The following DIAPH2 variants were observed in gnomAD, a reference collection of about 807,000 sequenced individuals.
DIAPH2 encodes diaphanous related formin 2.
In DIAPH2, 35 loss-of-function variants were observed where a neutral mutation model predicts 92.7. That is an observed-to-expected ratio of 0.38 (90% CI 0.29 to 0.50). The LOEUF is 0.50. Ranked by LOEUF, DIAPH2 falls within the 20% of genes least tolerant of loss-of-function variation. The pLI, the probability that DIAPH2 is intolerant of heterozygous loss-of-function variation, is 0.94. For synonymous variants in DIAPH2, 301 were observed against 280.4 expected (o/e 1.07, Z -0.73); for missense variants, 701 against 819.5 (o/e 0.86, Z 1.77).
At chrX:97,372,314 TTTC>T (rs1471668862) in intron 24 of DIAPH2, among the ~76,000 whole-genome samples, 4 of 112,544 alleles carry the variant, frequency 3.6e-5, no homozygotes, top group South Asian at 3.7e-4. Flanking sequence ...GTCTTTTTTC[TTTC>T]TTCTTGTTTT....
At chrX:96,775,768 C>T (rs998564807) in intron 4 of DIAPH2, among the ~76,000 whole-genome samples, 2 of 111,251 alleles carry the variant, frequency 1.8e-5, no homozygotes, top group African/African-American at 3.3e-5. Context: ...ACACACTCAA[C>T]CTTTCTGGAG....
intron 4 of DIAPH2, among the ~76,000 whole-genome samples, chrX:96,774,708 T>A (rs1181503816): frequency 1.8e-5 from 2 of 112,235 alleles, no homozygotes; most frequent in Admixed American, 9.5e-5. Context: ...GAGTTTTTTT[T>A]CTATCTGTGT....
chrX:97,550,733 G>T (rs1269020005), intron 26 of DIAPH2, among the ~76,000 whole-genome samples: 2 of 112,305 alleles, frequency 1.8e-5, no homozygotes, highest in Non-Finnish European at 3.8e-5. Context: ...AGTTAAACCA[G>T]ATCTGTCTGT....
intron 25 of DIAPH2, among the ~76,000 whole-genome samples, chrX:97,423,587 AC>A (rs928999360): frequency 5.4e-5 from 6 of 111,617 alleles, no homozygotes; most frequent in Non-Finnish European, 9.4e-5. Context: ...TACAACCCAT[AC>A]CTTTTATTTG....
At chrX:97,312,448 C>A (rs2068804647) in intron 23 of DIAPH2, among the ~76,000 whole-genome samples, 1 of 92,643 alleles carries the variant, frequency 1.1e-5, no homozygotes, top group Non-Finnish European at 2.0e-5. Flanking sequence ...CTCCCCAGTT[C>A]AAGAGATTCT....
At chrX:97,447,076 G>A (rs1246520663) in intron 26 of DIAPH2, among the ~76,000 whole-genome samples, 1 of 111,130 alleles carries the variant, frequency 9.0e-6, no homozygotes, top group East Asian at 2.8e-4. Flanking sequence ...AAGATTACTA[G>A]GGGCAACAAT....
chrX:97,035,375 CAA>C (rs1173419718), intron 17 of DIAPH2, among the ~76,000 whole-genome samples: 1 of 111,838 alleles, frequency 8.9e-6, no homozygotes, highest in African/African-American at 3.3e-5. Flanking sequence ...TTTGATTCTG[CAA>C]AGTCTCAATT....
intron 17 of DIAPH2, among the ~76,000 whole-genome samples, chrX:96,986,545 G>A (rs1026589447): frequency 9.0e-6 from 1 of 111,526 alleles, no homozygotes; most frequent in African/African-American, 3.2e-5. Flanking sequence ...ACTGTTTATA[G>A]AATGTCAATA....
chrX:97,430,305 CA>C (rs1380990461), intron 26 of DIAPH2, among the ~76,000 whole-genome samples: 230 of 112,173 alleles, frequency 2.1e-3, no homozygotes, highest in Non-Finnish European at 3.2e-3. Flanking sequence ...AAATAGATCT[CA>C]GGGGAAGAAA....
chrX:97,337,949 T>C (rs1254168182), intron 23 of DIAPH2, among the ~76,000 whole-genome samples: 1 of 107,426 alleles, frequency 9.3e-6, no homozygotes, highest in Non-Finnish European at 1.9e-5. Context: ...CTCAGCTCAC[T>C]GCAACCTCCA....
At chrX:97,438,447 C>A (rs1438036826) in intron 26 of DIAPH2, among the ~76,000 whole-genome samples, 1 of 101,311 alleles carries the variant, frequency 9.9e-6, no homozygotes, top group African/African-American at 3.6e-5. Flanking sequence ...CTCCCTGCAG[C>A]CTCAAACTCC....
chrX:97,162,356 T>C (rs1434872701), intron 22 of DIAPH2, among the ~76,000 whole-genome samples: 1 of 111,843 alleles, frequency 8.9e-6, no homozygotes, highest in African/African-American at 3.2e-5. Flanking sequence ...TCAAAATGGA[T>C]ATAAGAGTAG....
intron 21 of DIAPH2, among the ~76,000 whole-genome samples, chrX:97,124,137 C>CTAAT (rs1458514983): frequency 9.8e-5 from 11 of 112,006 alleles, no homozygotes; most frequent in African/African-American, 3.2e-4. Flanking sequence ...TTGTGGTAAG[C>CTAAT]TAATTACAGC....
intron 25 of DIAPH2, among the ~76,000 whole-genome samples, chrX:97,397,288 T>C (rs2069713243): frequency 8.9e-6 from 1 of 112,029 alleles, no homozygotes; most frequent in African/African-American, 3.2e-5. Context: ...CTTTTAAATG[T>C]GCAATTAACT....
At chrX:96,977,291 A>ATT (rs950694905) in intron 17 of DIAPH2, among the ~76,000 whole-genome samples, 3 of 111,858 alleles carry the variant, frequency 2.7e-5, no homozygotes, top group Non-Finnish European at 5.6e-5. Flanking sequence ...TATAATTTAG[A>ATT]TTTTTTTAGG....
chrX:96,960,165 A>G (rs2065837989), intron 16 of DIAPH2, among the ~76,000 whole-genome samples: 1 of 111,297 alleles, frequency 9.0e-6, no homozygotes, highest in Non-Finnish European at 1.9e-5. Flanking sequence ...GTATTTTGAT[A>G]GGGATTGCAT....
chrX:96,892,128 A>T (rs898121217), intron 5 of DIAPH2, among the ~76,000 whole-genome samples: 3 of 112,139 alleles, frequency 2.7e-5, no homozygotes, highest in Non-Finnish European at 5.6e-5. Context: ...TATTAAACTT[A>T]TTAAAAGCTT....
At position 96,789,050 on chromosome X, in the gene DIAPH2, A is replaced by G. The variant is rs139530019; in HGVS notation, c.447+30792A>G. ...CAGGACTCAGAATATCATTTCACTA[A>G]TGGCGAAGATTTATTACAGTGACAT... On this transcript the variant is annotated intron_variant, in intron 4 of 26. Transcript: ENST00000324765. Among the ~76,000 whole-genome samples, 812 of 112,415 alleles carry G rather than the reference A, an allele frequency of 7.2e-3. 6 individuals carry two copies. Among genetic ancestry groups the G allele is most frequent in the African/African-American group, 0.025 (782 of 30,934 alleles).
chrX:97,597,063 AT>A lies in DIAPH2; in HGVS notation c.3242-2189del, dbSNP rs1383420699. ...TATTGTTTCTAATGATATTTTTTTC[AT>A]AAACGTTGTAGGTTGACATTGTGAA... On this transcript the variant is annotated intron_variant, in intron 26 of 26. Coordinates refer to ENST00000324765, the MANE Select transcript of DIAPH2 (RefSeq NM_006729.5). Among the ~76,000 whole-genome samples the A allele has an allele frequency of 6.2e-5, 7 of 112,302 alleles. No homozygotes were observed. The Admixed American group carries it at 6.6e-4, about 11-fold the overall frequency.
Sources: gnomAD v4.1 joint callset for allele counts (sites outside exome capture counted in the v4.1 genomes callset) on GRCh38, gnomAD v4.1.1 for gene constraint, MANE v1.5 for transcripts, NCBI Gene and HGNC (gene_info 2026-07-23, HGNC 2026-07-21) for gene names.